Variants in USP25 observed in about 807,000 individuals in gnomAD.
USP25 encodes ubiquitin carboxyl-terminal hydrolase 25.
USP25 carries 85 observed loss-of-function variants against 158.5 expected under a neutral mutation model. That is an observed-to-expected ratio of 0.54 (90% CI 0.45 to 0.64). The LOEUF is 0.64. Among genes scored for constraint, USP25 ranks in the 30% least tolerant of loss-of-function variants. USP25 has a pLI of 0.00. For missense variants in USP25, 1,242 were observed against 1,327.3 expected (o/e 0.94, Z 1.00); for synonymous variants, 464 against 460.4 (o/e 1.01, Z -0.10).
In USP25 at chr21:15,777,912, G is replaced by T; in HGVS notation, c.277G>T (p.Asp93Tyr). Residue 93 changes from aspartate (D) to tyrosine (Y), a missense_variant, in exon 4 of 26, where the codon GAT (aspartate) becomes TAT (tyrosine). Physicochemically the swap from Asp to Tyr is radical, Grantham distance 160. Coordinates refer to ENST00000400183, the MANE Select transcript of USP25 (RefSeq NM_001283041.3). ...VGSQADTNVI[D>Y]LTGDDKDDLQ... ...ATAGTTTTGCTTTTCAGATGTGATTGATCTCACTGGAGATGATAAAGATGA... is the reference window on the plus strand; with the variant it reads ...ATAGTTTTGCTTTTCAGATGTGATTTATCTCACTGGAGATGATAAAGATGA... 1.3e-6 allele frequency: 2 copies of T among 1,591,018 alleles called. No homozygotes were observed. The highest frequency in any genetic ancestry group is 8.5e-7 in the Non-Finnish European group (1 of 1,173,306).
At chr21:15,738,633 C>G (rs1023660830) in intron 1 of USP25, among the ~76,000 whole-genome samples, 1 of 152,070 alleles carries the variant, frequency 6.6e-6, no homozygotes, top group African/African-American at 2.4e-5. Context: ...AATACCTTTT[C>G]CAGAGACAAT....
intron 20 of USP25, among the ~76,000 whole-genome samples, chr21:15,854,838 G>GA (rs563439563): frequency 7.3e-5 from 11 of 150,482 alleles, no homozygotes; most frequent in South Asian, 4.2e-4. Context: ...AGTTGATCTG[G>GA]AAAAAAAAAT....
intron 1 of USP25, among the ~76,000 whole-genome samples, chr21:15,758,489 C>T (rs1484248226): frequency 6.6e-6 from 1 of 152,140 alleles, no homozygotes; most frequent in Non-Finnish European, 1.5e-5. Flanking sequence ...CTCTTGCCTG[C>T]CACCATGTAA....
chr21:15,818,938 A>G (rs747965481), intron 10 of USP25, 92 bp downstream of exon 10: 1 of 1,372,524 alleles, frequency 7.3e-7, no homozygotes, highest in Non-Finnish European at 9.9e-7. Flanking sequence ...AGAGCTACCT[A>G]ATAATTGAGA....
chr21:15,730,403 G>C lies in USP25; in HGVS notation c.10G>C (p.Glu4Gln). The C allele has an allele frequency of 1.5e-6, 2 of 1,337,830 alleles. No individual in the cohort carries two copies. Among genetic ancestry groups the C allele is most frequent in the Non-Finnish European group, 1.9e-6 (2 of 1,036,184 alleles). The allele number at this position is 1,337,830 out of a possible 1,614,324, so 82.9% of individuals were successfully genotyped here. Residue 4 changes from glutamate to glutamine, a missense_variant, in exon 1 of 26, where the codon GAG becomes CAG. Physicochemically the swap from Glu to Gln is conservative, Grantham distance 29. Coordinates refer to ENST00000400183, the MANE Select transcript of USP25 (RefSeq NM_001283041.3). ...CGCCGCCGCGGGGGCCATGACCGTG[G>C]AGCAGAACGTGCTGCAGCAGAGCGC... MTV[E>Q]QNVLQQSAAQ...
chr21:15,845,473 T>G (rs529153639), intron 18 of USP25, among the ~76,000 whole-genome samples: 2 of 152,114 alleles, frequency 1.3e-5, no homozygotes, highest in Non-Finnish European at 2.9e-5. Context: ...ACTACAGAAT[T>G]ATTATATGTG....
At chr21:15,748,135 A>AG (rs1380019479) in intron 1 of USP25, among the ~76,000 whole-genome samples, 1 of 152,034 alleles carries the variant, frequency 6.6e-6, no homozygotes, top group East Asian at 1.9e-4. Context: ...AGATGTCAGA[A>AG]TTTTTCCCCT....
chr21:15,758,963 A>T (rs2033567555), intron 1 of USP25, among the ~76,000 whole-genome samples: 1 of 152,162 alleles, frequency 6.6e-6, no homozygotes, highest in African/African-American at 2.4e-5. Context: ...AGCCATTTTT[A>T]AATTTTTATA....
At chr21:15,743,233 T>C (rs890749212) in intron 1 of USP25, among the ~76,000 whole-genome samples, 5 of 152,166 alleles carry the variant, frequency 3.3e-5, no homozygotes, top group African/African-American at 9.7e-5. Flanking sequence ...ATTCCAGCAA[T>C]TGGGAGTGTG....
chr21:15,846,726 C>T (rs1164130188), intron 18 of USP25, among the ~76,000 whole-genome samples: 1 of 151,874 alleles, frequency 6.6e-6, no homozygotes, highest in Non-Finnish European at 1.5e-5. Flanking sequence ...TTTCAAGCAC[C>T]TTCAGTACTT....
intron 15 of USP25, 54 bp downstream of exon 15, chr21:15,830,655 A>G: frequency 7.3e-7 from 1 of 1,370,424 alleles, no homozygotes; most frequent in South Asian, 1.4e-5. Context: ...CATATATTTT[A>G]ATTTACCTTT....
intron 1 of USP25, among the ~76,000 whole-genome samples, chr21:15,735,933 G>A (rs1601230146): frequency 6.6e-6 from 1 of 150,996 alleles, no homozygotes; most frequent in Non-Finnish European, 1.5e-5. Flanking sequence ...TTAGGTTTCT[G>A]TATTTATTGG....
intron 3 of USP25, among the ~76,000 whole-genome samples, chr21:15,771,910 T>TA (rs2034380643): frequency 6.6e-6 from 1 of 152,042 alleles, no homozygotes; most frequent in African/African-American, 2.4e-5. Context: ...TTATTTTTTT[T>TA]AAAAAAAGTA....
chr21:15,857,321 C>CG (rs2039201042), intron 20 of USP25, among the ~76,000 whole-genome samples: 2 of 152,074 alleles, frequency 1.3e-5, no homozygotes, highest in Non-Finnish European at 2.9e-5. Flanking sequence ...CATTTTTGTG[C>CG]ATATATTATT....
intron 2 of USP25, among the ~76,000 whole-genome samples, 200 bp downstream of exon 2, chr21:15,763,168 T>C (rs958002653): frequency 1.3e-5 from 2 of 152,188 alleles, no homozygotes; most frequent in Non-Finnish European, 2.9e-5. Context: ...ATGTCCATGA[T>C]ACCTTAGAGT....
At chr21:15,835,506 G>A (rs1417626610) in intron 17 of USP25, among the ~76,000 whole-genome samples, 1 of 152,016 alleles carries the variant, frequency 6.6e-6, no homozygotes, top group Non-Finnish European at 1.5e-5. Context: ...CAATACATCT[G>A]ACCATACACT....
intron 1 of USP25, among the ~76,000 whole-genome samples, chr21:15,740,074 C>CTA (rs545583507): frequency 2.4e-3 from 358 of 152,264 alleles, no homozygotes; most frequent in African/African-American, 8.2e-3. Flanking sequence ...AGTCTTGTTA[C>CTA]TATAGGTTTA....
chr21:15,777,977 CAG>C lies in USP25; in HGVS notation c.343_344del (p.Arg115GlyfsTer9), dbSNP rs2123501959. 1 of 1,611,452 alleles carries C rather than the reference CAG, an allele frequency of 6.2e-7. No individual in the cohort carries two copies. Among genetic ancestry groups the C allele is most frequent in the Non-Finnish European group, 8.5e-7 (1 of 1,178,932 alleles). The part of the protein sequence containing the change: ...AIALSLAESN[R>X]AFRETGITDE... ...TTGCCTTGAGTTTGGCCGAATCAAACAGGGCATTCAGGGAGACTGGAATAACT... is the reference window on the plus strand; with the variant it reads ...TTGCCTTGAGTTTGGCCGAATCAAACGGCATTCAGGGAGACTGGAATAACT... On this transcript the variant is annotated frameshift_variant, in exon 4 of 26. Coordinates refer to ENST00000400183, the MANE Select transcript of USP25 (RefSeq NM_001283041.3). LOFTEE classifies it high-confidence loss of function.
At chr21:15,746,849 G>A (rs2032599854) in intron 1 of USP25, among the ~76,000 whole-genome samples, 1 of 152,050 alleles carries the variant, frequency 6.6e-6, no homozygotes, top group African/African-American at 2.4e-5. Context: ...TGTGCTTTTT[G>A]GGGTATTCTC....
Sources: gnomAD v4.1 joint callset for allele counts (sites outside exome capture counted in the v4.1 genomes callset) on GRCh38, gnomAD v4.1.1 for gene constraint, MANE v1.5 for transcripts, NCBI Gene and HGNC (gene_info 2026-07-23, HGNC 2026-07-21) for gene names.